Variants in LTF observed in about 807,000 individuals in gnomAD.
The protein encoded by LTF is epididymis luminal protein 110.
In LTF, 91 loss-of-function variants were observed where a neutral mutation model predicts 87.2. The observed-to-expected ratio is 1.04, with a 90% confidence interval of 0.88 to 1.24. The LOEUF (loss-of-function observed/expected upper bound fraction) is 1.24. LTF is among the 50% of genes most tolerant of loss of function. LTF has a pLI of 0.00. For missense variants in LTF, 901 were observed against 904.3 expected (o/e 1.00, Z 0.05); for synonymous variants, 378 against 356.1 (o/e 1.06, Z -0.69).
At chr3:46,484,603 C>T (rs1250582506) in intron 1 of LTF, among the ~76,000 whole-genome samples, 1 of 152,214 alleles carries the variant, frequency 6.6e-6, no homozygotes, top group Non-Finnish European at 1.5e-5. Context: ...ACCCTCCTCC[C>T]ATGCTGGAAC....
intron 5 of LTF, among the ~76,000 whole-genome samples, chr3:46,454,839 T>C (rs1702887093): frequency 6.6e-6 from 1 of 152,158 alleles, no homozygotes; most frequent in Non-Finnish European, 1.5e-5. Context: ...TTGCTCACTG[T>C]CCTTCAGCCA....
At chr3:46,462,589 G>C (rs1324660176) in intron 1 of LTF, among the ~76,000 whole-genome samples, 1 of 152,184 alleles carries the variant, frequency 6.6e-6, no homozygotes, top group East Asian at 1.9e-4. Flanking sequence ...GGCTAGAAAA[G>C]GGTCTGGGTC....
chr3:46,446,520 T>C, intron 10 of LTF, 27 bp from the exon 11 acceptor site: 1 of 1,604,754 alleles, frequency 6.2e-7, no homozygotes, highest in Non-Finnish European at 8.5e-7. Flanking sequence ...AAGCCAGACA[T>C]CATTATCCAT....
chr3:46,455,495 C>G (rs1702906412), intron 4 of LTF, 53 bp from the exon 5 acceptor site: 1 of 1,607,302 alleles, frequency 6.2e-7, no homozygotes, highest in African/African-American at 1.3e-5. Flanking sequence ...CTGGTCACAG[C>G]AGGTTACACC....
Position 46,438,025 on chromosome 3 carries a change from T to A in LTF, c.2013A>T (p.Arg671Ser), listed in dbSNP as rs1702426227. 1.9e-6 allele frequency: 3 copies of A among 1,613,782 alleles called. No individual in the cohort carries two copies. The highest frequency in any genetic ancestry group is 2.5e-6 in the Non-Finnish European group (3 of 1,179,868). ...LFNDNTECLA[R>S]LHGKTTYEKY... ...TTTCATATGTTGTTTTGCCATGGAG[T>A]CTGGCCAGACACTCAGTGTTGTCAT... is the stretch of plus-strand genomic sequence containing the variant. Residue 671 changes from arginine to serine, a missense_variant, in exon 16 of 17, where the codon AGA (arginine) becomes AGT (serine). By Grantham distance (110) the Arg-to-Ser change is moderately radical. Transcript: ENST00000231751.
intron 1 of LTF, among the ~76,000 whole-genome samples, chr3:46,482,284 C>T (rs886163116): frequency 2.0e-5 from 3 of 151,948 alleles, no homozygotes; most frequent in African/African-American, 7.3e-5. Context: ...GGAGAAACCC[C>T]ATCTCTACCA....
chr3:46,462,913 A>T (rs1703120932), intron 1 of LTF, among the ~76,000 whole-genome samples: 1 of 152,058 alleles, frequency 6.6e-6, no homozygotes, highest in Admixed American at 6.5e-5. Context: ...CTGAGCAATG[A>T]CGGGAACCTG....
rs1407121397 is a variant in LTF, at chr3:46,482,538, G to A, written c.-320+2448C>T. On this transcript the variant is annotated intron_variant, in intron 1 of 19. Transcript: ENST00000443496. ...GGGAAGGGAAGGGAAGGGAAGGGAA[G>A]GGAAGGGAAGGGAAGGGAAGGGAAG... is the stretch of plus-strand genomic sequence containing the variant. Among the ~76,000 whole-genome samples, 81 of 82,400 alleles carry A rather than the reference G, an allele frequency of 9.8e-4. 4 individuals carry two copies. The highest frequency in any genetic ancestry group is 2.3e-3 in the African/African-American group (41 of 17,610). 54.1% of individuals were successfully genotyped at this position (82,400 alleles called of 152,430 possible).
chr3:46,455,545 AC>A, intron 4 of LTF, 103 bp from the exon 5 acceptor site: 1 of 1,407,502 alleles, frequency 7.1e-7, no homozygotes, highest in South Asian at 1.3e-5. Context: ...CCCTTCCTCC[AC>A]CCCTGCAGGA....
chr3:46,463,324 C>T (rs1267936997), intron 1 of LTF: 8 of 323,372 alleles, frequency 2.5e-5, no homozygotes, highest in Admixed American at 1.9e-4. Flanking sequence ...AGGGCCCAAG[C>T]AGACTGCTCA....
chr3:46,456,338 G>C lies in LTF; in HGVS notation c.268C>G (p.Pro90Ala), dbSNP rs769716456. ...GCCGCTACAGGTCGCAGTTTGTAGG[G>C]GGCCAGGCCTGCCTCGTATATGAAA... The part of the protein sequence containing the change: ...GGFIYEAGLA[P>A]YKLRPVAAEV... The change falls in exon 3 of 17, where the codon CCC becomes GCC. Residue 90 changes from proline (P) to alanine (A), a missense_variant. By Grantham distance (27) the Pro-to-Ala change is conservative. Transcript: ENST00000231751. 1 of 1,614,148 alleles carries C rather than the reference G, an allele frequency of 6.2e-7. No homozygotes were observed.
intron 1 of LTF, chr3:46,460,503 G>A (rs1703053683): frequency 2.2e-6 from 1 of 448,638 alleles, no homozygotes; most frequent in South Asian, 1.6e-5. Flanking sequence ...TTCTTCTTTT[G>A]AGCCTGCTTT....
At chr3:46,472,524 G>GTGTGTGTC (rs1354005313) in intron 1 of LTF, among the ~76,000 whole-genome samples, 7 of 148,906 alleles carry the variant, frequency 4.7e-5, no homozygotes, top group African/African-American at 1.8e-4. Flanking sequence ...GTGTGTGTGT[G>GTGTGTGTC]TGTGAGAGAG....
chr3:46,459,136 T>C (rs1042374970), intron 2 of LTF, among the ~76,000 whole-genome samples: 2 of 152,192 alleles, frequency 1.3e-5, no homozygotes, highest in African/African-American at 4.8e-5. Flanking sequence ...TCTCAAAAAA[T>C]AAAAGGAATC....
chr3:46,455,523 C>T (rs529509391), intron 4 of LTF, 81 bp from the exon 5 acceptor site: 88 of 1,547,472 alleles, frequency 5.7e-5, no homozygotes, highest in South Asian at 4.9e-4. Flanking sequence ...CTGAGGTCTC[C>T]GTGGGCAAGG....
At chr3:46,475,513 T>A (rs1480109334) in intron 1 of LTF, among the ~76,000 whole-genome samples, 2 of 86,812 alleles carry the variant, frequency 2.3e-5, no homozygotes, top group Non-Finnish European at 4.7e-5. Flanking sequence ...GCTCTCCCCC[T>A]AAACACACAC....
upstream of LTF, among the ~76,000 whole-genome samples, chr3:46,466,045 C>G (rs1703206593): frequency 6.6e-6 from 1 of 152,086 alleles, no homozygotes; most frequent in Non-Finnish European, 1.5e-5. Flanking sequence ...TCAAGACTAG[C>G]CTGGGCAACA....
In LTF at chr3:46,481,700, G is replaced by A. The variant is rs113407103; in HGVS notation, c.-320+3286C>T. Among the ~76,000 whole-genome samples the A allele has an allele frequency of 3.0e-4, 45 of 152,278 alleles. No homozygotes were observed. The Middle Eastern group carries it at 0.014, about 46-fold the overall frequency. On this transcript the variant is annotated intron_variant, in intron 1 of 19. Transcript: ENST00000443496. ...TGAAAGGCAGAGGTTGCAGGGAGCCGAGATTGTGCCATTGCACTCCAGCCT... is the reference window on the plus strand; with the variant it reads ...TGAAAGGCAGAGGTTGCAGGGAGCCAAGATTGTGCCATTGCACTCCAGCCT...
rs1319603212 is a variant in LTF at position 46,456,285 on chromosome 3, C to T, written c.316+5G>A. ...GTGGCCTCTGGGTCCCCAGGCAGAA[C>T]TCACGTCTTTCGGTCCCGTAGACTT... On this transcript the variant is annotated splice_donor_5th_base_variant and intron_variant, in intron 3 of 16. Transcript: ENST00000231751. 2.5e-6 allele frequency: 4 copies of T among 1,613,562 alleles called. No individual in the cohort carries two copies. The highest frequency in any genetic ancestry group is 1.3e-5 in the African/African-American group (1 of 75,038).
Sources: gnomAD v4.1 joint callset for allele counts (sites outside exome capture counted in the v4.1 genomes callset) on GRCh38, gnomAD v4.1.1 for gene constraint, MANE v1.5 for transcripts, NCBI Gene and HGNC (gene_info 2026-07-23, HGNC 2026-07-21) for gene names.